NAALADL2: variants seen among roughly 807,000 people sequenced by gnomAD.
NAALADL2 encodes the protein N-acetylated alpha-linked acidic dipeptidase like 2, also known as inactive N-acetylated-alpha-linked acidic dipeptidase-like protein 2.
A neutral mutation model predicts 87.2 loss-of-function variants in NAALADL2; 76 were observed. That is an observed-to-expected ratio of 0.87 (90% CI 0.72 to 1.05). NAALADL2 has a LOEUF of 1.05. Ranked by LOEUF, NAALADL2 falls within the 50% of genes least tolerant of loss-of-function variation. The probability of loss-of-function intolerance (pLI) is 0.00; values close to 1 mark genes in which losing one functional copy is unlikely to be tolerated. For missense variants in NAALADL2, 1,089 were observed against 945.8 expected (o/e 1.15, Z -1.99); for synonymous variants, 354 against 331.0 (o/e 1.07, Z -0.75).
intron 5 of NAALADL2, among the ~76,000 whole-genome samples, chr3:175,378,612 A>T (rs1171534765): frequency 1.3e-5 from 2 of 152,086 alleles, no homozygotes; most frequent in Non-Finnish European, 2.9e-5. Flanking sequence ...TGAAGCTCCC[A>T]CTTCCTTGTA....
chr3:174,472,085 C>T (rs1249785544), intron 1 of NAALADL2, among the ~76,000 whole-genome samples: 2 of 152,100 alleles, frequency 1.3e-5, no homozygotes, highest in African/African-American at 2.4e-5. Context: ...TTTTCCATGT[C>T]ATCCTTCTGT....
intron 2 of NAALADL2, among the ~76,000 whole-genome samples, chr3:175,209,894 T>A (rs1741513757): frequency 6.6e-6 from 1 of 150,742 alleles, no homozygotes; most frequent in East Asian, 2.0e-4. Context: ...AAATTAAAAA[T>A]AAATAAATAA....
intron 5 of NAALADL2, among the ~76,000 whole-genome samples, chr3:175,401,021 T>C (rs1461477617): frequency 1.3e-5 from 2 of 152,196 alleles, no homozygotes; most frequent in Non-Finnish European, 2.9e-5. Context: ...GTTAGCGGCT[T>C]TCTAGCAAAG....
At chr3:175,687,726 G>C (rs1463128826) in intron 11 of NAALADL2, among the ~76,000 whole-genome samples, 1 of 152,148 alleles carries the variant, frequency 6.6e-6, no homozygotes, top group Non-Finnish European at 1.5e-5. Context: ...TGTTTAGATT[G>C]TGGGAGTGGA....
In NAALADL2 at chr3:175,627,389, A is replaced by G; in HGVS notation, c.1896+3A>G. 6.5e-7 allele frequency: 1 copy of G among 1,530,292 alleles called. No homozygotes were observed. The highest frequency in any genetic ancestry group is 2.4e-5 in the East Asian group (1 of 42,044). 94.8% of individuals were successfully genotyped at this position (1,530,292 alleles called of 1,614,324 possible). ...ACCTTCATGAAACCATTACTAAGGT[A>G]GGGGAGAAATGCATTCAAAAATAGG... is the stretch of plus-strand genomic sequence containing the variant. On this transcript the variant is annotated splice_donor_region_variant and intron_variant, in intron 11 of 13. Coordinates refer to ENST00000454872, the MANE Select transcript of NAALADL2 (RefSeq NM_207015.3).
intron 3 of NAALADL2, among the ~76,000 whole-genome samples, chr3:174,748,442 C>T (rs774210039): frequency 6.6e-6 from 1 of 151,058 alleles, no homozygotes; most frequent in Non-Finnish European, 1.5e-5. Flanking sequence ...CTTCTGGTAC[C>T]TTTATTTTTA....
At chr3:174,919,781 T>A (rs1297531263) in intron 1 of NAALADL2, among the ~76,000 whole-genome samples, 4 of 152,238 alleles carry the variant, frequency 2.6e-5, no homozygotes, top group Non-Finnish European at 5.9e-5. Context: ...GGAATCCCTC[T>A]CTGGCAGCTA....
intron 1 of NAALADL2, among the ~76,000 whole-genome samples, chr3:175,031,529 C>T (rs1234742653): frequency 6.6e-6 from 1 of 152,026 alleles, no homozygotes; most frequent in East Asian, 1.9e-4. Flanking sequence ...CAGATGGGCA[C>T]CTGGGTTGAT....
chr3:174,690,268 T>C (rs58427164), intron 2 of NAALADL2, among the ~76,000 whole-genome samples: 5,868 of 152,250 alleles, frequency 0.039, 251 homozygotes, highest in African/African-American at 0.11. Flanking sequence ...CTGTAAAGAA[T>C]TTTATTTTCC....
At chr3:175,277,162 T>C (rs1159893955) in intron 4 of NAALADL2, among the ~76,000 whole-genome samples, 1 of 152,224 alleles carries the variant, frequency 6.6e-6, no homozygotes, top group African/African-American at 2.4e-5. Context: ...GGAATTGGCC[T>C]TTGATTTTCA....
intron 2 of NAALADL2, among the ~76,000 whole-genome samples, chr3:174,681,381 A>C (rs1727521227): frequency 6.6e-6 from 1 of 152,134 alleles, no homozygotes; most frequent in Admixed American, 6.6e-5. Context: ...GAGTGCTTGT[A>C]CTAACTCACC....
At chr3:175,716,857 A>G (rs1248020932) in intron 11 of NAALADL2, among the ~76,000 whole-genome samples, 1 of 152,198 alleles carries the variant, frequency 6.6e-6, no homozygotes, top group Non-Finnish European at 1.5e-5. Context: ...GACTGACTTA[A>G]TATAGACTTA....
At chr3:174,538,638 G>A (rs1442561262) in intron 1 of NAALADL2, among the ~76,000 whole-genome samples, 2 of 152,030 alleles carry the variant, frequency 1.3e-5, no homozygotes, top group African/African-American at 4.8e-5. Context: ...TTTTAAGTTG[G>A]ATAAGAAGCA....
At chr3:174,820,801 A>T (rs1358564880) in intron 3 of NAALADL2, among the ~76,000 whole-genome samples, 1 of 152,044 alleles carries the variant, frequency 6.6e-6, no homozygotes, top group Non-Finnish European at 1.5e-5. Flanking sequence ...GTATTATATT[A>T]TTTTCTGTTA....
At chr3:174,730,940 G>C (rs755689669) in intron 2 of NAALADL2, among the ~76,000 whole-genome samples, 1 of 151,966 alleles carries the variant, frequency 6.6e-6, no homozygotes, top group Admixed American at 6.6e-5. Context: ...AGAATTTATC[G>C]TAAGTTTGAA....
At chr3:174,639,260 T>C (rs564039106) in intron 2 of NAALADL2, among the ~76,000 whole-genome samples, 7 of 152,348 alleles carry the variant, frequency 4.6e-5, no homozygotes, top group Admixed American at 4.6e-4. Flanking sequence ...TTAAATGCTT[T>C]ATACAAAAAC....
chr3:174,991,505 A>G (rs9835503), intron 1 of NAALADL2, among the ~76,000 whole-genome samples: 47,794 of 151,944 alleles, frequency 0.31, 10,214 homozygotes, highest in African/African-American at 0.61. Flanking sequence ...TTTAAATTTT[A>G]TATAACAACG....
chr3:174,914,879 G>T (rs1468053057), intron 1 of NAALADL2, among the ~76,000 whole-genome samples: 2 of 152,094 alleles, frequency 1.3e-5, no homozygotes, highest in African/African-American at 4.8e-5. Context: ...AAAATATCAG[G>T]TACATCTAAT....
chr3:174,805,746 A>T (rs1027738005), intron 3 of NAALADL2, among the ~76,000 whole-genome samples: 1 of 152,176 alleles, frequency 6.6e-6, no homozygotes, highest in African/African-American at 2.4e-5. Context: ...ATTTCATCAA[A>T]ATTTGCCATC....
Sources: gnomAD v4.1 joint callset for allele counts (sites outside exome capture counted in the v4.1 genomes callset) on GRCh38, gnomAD v4.1.1 for gene constraint, MANE v1.5 for transcripts, NCBI Gene and HGNC (gene_info 2026-07-23, HGNC 2026-07-21) for gene names.